Variants in ANKRD31 observed in about 807,000 individuals in gnomAD.
The protein encoded by ANKRD31 is ankyrin repeat domain-containing protein 31.
ANKRD31 carries 147 observed loss-of-function variants against 186.0 expected under a neutral mutation model. That is an observed-to-expected ratio of 0.79 (90% CI 0.69 to 0.91). ANKRD31 has a LOEUF of 0.91. Among genes scored for constraint, ANKRD31 ranks in the 40% least tolerant of loss-of-function variants. ANKRD31 has a pLI of 0.00. For missense variants in ANKRD31, 1,986 were observed against 2,148.8 expected (o/e 0.92, Z 1.50); for synonymous variants, 673 against 736.4 (o/e 0.91, Z 1.39).
At position 75,192,816 on chromosome 5, in the gene ANKRD31, T is replaced by C. The variant is rs77437499; in HGVS notation, c.1299-40A>G. ...TATTTTTTAAATGGCTATAACGGTTTTTGCAAACATTCACAGAGAATTATA... is the reference window on the plus strand; with the variant it reads ...TATTTTTTAAATGGCTATAACGGTTCTTGCAAACATTCACAGAGAATTATA... On this transcript the variant is annotated intron_variant, in intron 8 of 25. Transcript: ENST00000506364. The C allele has an allele frequency of 1.8e-3, 2,447 of 1,383,904 alleles. 48 individuals carry two copies. The African/African-American group carries it at 0.028, about 16-fold the overall frequency. The allele number at this position is 1,383,904 out of a possible 1,614,324, so 85.7% of individuals were successfully genotyped here.
At chr5:75,158,422 C>A (rs923589366) in intron 11 of ANKRD31, among the ~76,000 whole-genome samples, 2 of 152,110 alleles carry the variant, frequency 1.3e-5, no homozygotes, top group Non-Finnish European at 2.9e-5. Flanking sequence ...AAAGAAGCAA[C>A]CCAAGTTGGG....
Position 75,105,031 on chromosome 5 carries a change from A to G in ANKRD31, c.4528T>C (p.Ser1510Pro). 6.5e-7 allele frequency: 1 copy of G among 1,536,742 alleles called. No individual in the cohort carries two copies. The highest frequency in any genetic ancestry group is 8.7e-7 in the Non-Finnish European group (1 of 1,146,812). Reference protein sequence around the residue: ...LRKLPPRSEISSEKDSQELTS... With the variant: ...LRKLPPRSEIPSEKDSQELTS... The stretch of plus-strand genomic sequence containing the variant: ...AGCTCTTGGCTGTCTTTTTCACTAG[A>G]GATTTCTGATCTGGGTGGGAGCTTC... The change falls in exon 22 of 26, where the codon TCT becomes CCT. Residue 1510 changes from serine (S) to proline (P), a missense_variant. Coordinates refer to ENST00000506364, the MANE Select transcript of ANKRD31 (RefSeq NM_001372053.1).
intron 25 of ANKRD31, among the ~76,000 whole-genome samples, chr5:75,070,617 C>T (rs1744148640): frequency 6.6e-6 from 1 of 152,218 alleles, no homozygotes; most frequent in Non-Finnish European, 1.5e-5. Flanking sequence ...AGTACCTGTT[C>T]TTTTCTTCCA....
At chr5:75,235,002 C>T (rs573269237) in intron 1 of ANKRD31, among the ~76,000 whole-genome samples, 1 of 152,178 alleles carries the variant, frequency 6.6e-6, no homozygotes, top group East Asian at 1.9e-4. Context: ...CTCTGTAATA[C>T]ACTAAATTCC....
intron 10 of ANKRD31, among the ~76,000 whole-genome samples, chr5:75,177,493 G>A (rs1753903468): frequency 6.6e-6 from 1 of 152,112 alleles, no homozygotes; most frequent in Non-Finnish European, 1.5e-5. Flanking sequence ...GAAAGGTCGA[G>A]TTACCAACAA....
chr5:75,190,971 T>G (rs919917453), intron 9 of ANKRD31, among the ~76,000 whole-genome samples: 4 of 152,064 alleles, frequency 2.6e-5, no homozygotes, highest in African/African-American at 9.7e-5. Context: ...TCCATACAAT[T>G]TTTTTAAATG....
chr5:75,205,300 T>G (rs1280429608), intron 5 of ANKRD31, among the ~76,000 whole-genome samples: 1 of 152,212 alleles, frequency 6.6e-6, no homozygotes, highest in African/African-American at 2.4e-5. Flanking sequence ...TCTAAATTCC[T>G]GGGTTTTTAT....
chr5:75,145,007 T>G (rs1751333043), intron 14 of ANKRD31, among the ~76,000 whole-genome samples: 1 of 152,140 alleles, frequency 6.6e-6, no homozygotes, highest in Non-Finnish European at 1.5e-5. Context: ...TCACTGGTCA[T>G]TAGAGAAATG....
chr5:75,096,354 G>C (rs569816357), intron 22 of ANKRD31, among the ~76,000 whole-genome samples: 2 of 152,082 alleles, frequency 1.3e-5, no homozygotes, highest in African/African-American at 4.8e-5. Flanking sequence ...CTTTTTAATG[G>C]GATCATTTGT....
intron 17 of ANKRD31, among the ~76,000 whole-genome samples, chr5:75,131,762 T>C (rs1749857475): frequency 2.0e-5 from 3 of 151,828 alleles, no homozygotes. Flanking sequence ...CACCTCCCAT[T>C]AGGGGCCGAC....
intron 17 of ANKRD31, among the ~76,000 whole-genome samples, chr5:75,126,749 G>T (rs771178207): frequency 1.3e-5 from 2 of 152,112 alleles, no homozygotes; most frequent in Non-Finnish European, 2.9e-5. Context: ...CCCAAGTCTG[G>T]CAAGAGATTT....
intron 10 of ANKRD31, among the ~76,000 whole-genome samples, chr5:75,180,464 T>C (rs572936863): frequency 3.3e-5 from 5 of 152,278 alleles, no homozygotes; most frequent in East Asian, 1.9e-4. Context: ...GGAGGCATCA[T>C]GCTACCTGAG....
At chr5:75,162,970 T>C (rs925717409) in intron 11 of ANKRD31, among the ~76,000 whole-genome samples, 2 of 152,238 alleles carry the variant, frequency 1.3e-5, no homozygotes, top group African/African-American at 4.8e-5. Flanking sequence ...TATGTCTTTT[T>C]TTAAGCTAAA....
intron 25 of ANKRD31, among the ~76,000 whole-genome samples, chr5:75,077,498 T>G (rs1237267555): frequency 6.6e-6 from 1 of 151,844 alleles, no homozygotes; most frequent in African/African-American, 2.4e-5. Flanking sequence ...CCTCACTCTT[T>G]GGGGGGGGAA....
At chr5:75,099,924 C>A in intron 22 of ANKRD31, among the ~76,000 whole-genome samples, 1 of 152,268 alleles carries the variant, frequency 6.6e-6, no homozygotes. Flanking sequence ...CTATTTCCCT[C>A]AGTTCTGCTC....
chr5:75,216,475 A>T (rs1756967189), intron 3 of ANKRD31, among the ~76,000 whole-genome samples: 3 of 152,202 alleles, frequency 2.0e-5, no homozygotes, highest in Admixed American at 2.0e-4. Flanking sequence ...CTCCTATTTC[A>T]CAATTACTGA....
intron 5 of ANKRD31, among the ~76,000 whole-genome samples, chr5:75,202,891 T>G (rs1274398221): frequency 6.6e-6 from 1 of 152,186 alleles, no homozygotes; most frequent in Non-Finnish European, 1.5e-5. Flanking sequence ...TCACAGCAGC[T>G]TTAGGGCAGC....
intron 11 of ANKRD31, among the ~76,000 whole-genome samples, chr5:75,160,153 T>C (rs922587110): frequency 6.6e-6 from 1 of 152,092 alleles, no homozygotes; most frequent in African/African-American, 2.4e-5. Flanking sequence ...TAACAATATA[T>C]TGTATTTATA....
intron 4 of ANKRD31, among the ~76,000 whole-genome samples, chr5:75,208,238 G>C (rs1321945473): frequency 6.6e-6 from 1 of 152,046 alleles, no homozygotes; most frequent in Non-Finnish European, 1.5e-5. Context: ...CACAGATATG[G>C]GGTTGGAAAA....
Sources: allele counts gnomAD v4.1 joint callset (sites outside exome capture counted in the v4.1 genomes callset), GRCh38; gene constraint gnomAD v4.1.1; transcripts MANE v1.5; gene names NCBI Gene and HGNC (gene_info 2026-07-23, HGNC 2026-07-21).